Variants in ILK observed in about 807,000 individuals in gnomAD.
ILK encodes scaffold protein ILK.
In ILK, 37 loss-of-function variants were observed where a neutral mutation model predicts 57.8. The ratio of observed to expected loss-of-function variants is 0.64; its 90% CI spans 0.49 to 0.84. ILK has a LOEUF of 0.84. Ranked by LOEUF, ILK falls within the 40% of genes least tolerant of loss-of-function variation. The pLI is 0.00. For missense variants in ILK, 528 were observed against 595.7 expected (o/e 0.89, Z 1.18); for synonymous variants, 231 against 202.2 (o/e 1.14, Z -1.21).
Position 6,609,510 on chromosome 11 carries a change from AG to A in ILK, c.729del, listed in dbSNP as rs1305382652. On this transcript the variant is annotated splice_acceptor_variant, in intron 8 of 12. Transcript: ENST00000299421. LOFTEE classifies it high-confidence loss of function. ...GTCTCAACCACTCCCTCCCTCTTCT[AG>A]GATTTTCTCGCATCCAAATGTGCTC... The A allele has an allele frequency of 6.2e-7, 1 of 1,614,118 alleles. No homozygotes were observed. The highest frequency in any genetic ancestry group is 2.2e-5 in the East Asian group (1 of 44,876).
rs1855399121 is a variant in ILK at position 6,610,485 on chromosome 11, T to C, written c.1233T>C (p.Pro411=). ...GMKVALEGLR[P]TIPPGISPHV... ...AGGTGGCATTGGAAGGCCTTCGGCCTACCATCCCACCAGGTATTTCCCCTC... is the reference window on the plus strand; with the variant it reads ...AGGTGGCATTGGAAGGCCTTCGGCCCACCATCCCACCAGGTATTTCCCCTC... The change falls in exon 13 of 13, where the codon CCT becomes CCC. Residue 411 remains proline, a synonymous_variant. Coordinates refer to ENST00000299421, the MANE Select transcript of ILK (RefSeq NM_004517.4). 2 of 1,614,240 alleles carry C rather than the reference T, an allele frequency of 1.2e-6. No individual in the cohort carries two copies. Among genetic ancestry groups the C allele is most frequent in the Non-Finnish European group, 1.7e-6 (2 of 1,180,040 alleles).
In ILK at chr11:6,604,310, A is replaced by G; in HGVS notation, c.39A>G (p.Ala13=). The G allele has an allele frequency of 6.2e-7, 1 of 1,613,008 alleles. No homozygotes were observed. The highest frequency in any genetic ancestry group is 8.5e-7 in the Non-Finnish European group (1 of 1,179,710). ...TCACTCAGTGCCGGGAGGGCAACGC[A>G]GTCGCCGTTCGCCTGTGGCTGGACA... The part of the protein sequence containing the change: ...DIFTQCREGN[A]VAVRLWLDNT... Residue 13 remains alanine, a synonymous_variant, in exon 2 of 13, where the codon GCA becomes GCG. Transcript: ENST00000299421.
intron 2 of ILK, chr11:6,606,172 T>C (rs1433368571): frequency 6.6e-6 from 1 of 152,038 alleles, no homozygotes; most frequent in Non-Finnish European, 1.5e-5. Context: ...GACTCTGTCT[T>C]AAAAAAGAAA....
In ILK at chr11:6,609,013, T is replaced by C. The variant is rs766050558; in HGVS notation, c.532+46T>C. 19 of 1,612,498 alleles carry C rather than the reference T, an allele frequency of 1.2e-5. No individual in the cohort carries two copies. In the Admixed American group the frequency reaches 3.2e-4, roughly 27 times the overall value. On this transcript the variant is annotated intron_variant, in intron 6 of 12. Transcript: ENST00000299421. ...GAAGGGTTGTAAAAGGAAATAATCC[T>C]GGCCTCTTGGGGCTGGGTTAGGGTG...
chr11:6,610,313 A>G (rs1460047055), intron 12 of ILK, 35 bp downstream of exon 12: 3 of 1,613,772 alleles, frequency 1.9e-6, no homozygotes, highest in African/African-American at 1.3e-5. Flanking sequence ...GTGTTGCGGG[A>G]GTGGTTGGTG....
chr11:6,605,347 C>T (rs1432550140), intron 2 of ILK, among the ~76,000 whole-genome samples: 1 of 151,558 alleles, frequency 6.6e-6, no homozygotes, highest in Non-Finnish European at 1.5e-5. Context: ...GAAGCCTGCA[C>T]GACAGAAAAG....
At chr11:6,609,893 C>T in intron 10 of ILK, 43 bp from the exon 11 acceptor site, 3 of 1,614,210 alleles carry the variant, frequency 1.9e-6, no homozygotes, top group Non-Finnish European at 2.5e-6. Context: ...AGCCCTTTGC[C>T]TATCTATGAC....
In ILK at chr11:6,610,278, G is replaced by A. The variant is rs1406078219; in HGVS notation, c.1209G>A (p.Lys403=). 6.2e-7 allele frequency: 1 copy of A among 1,614,168 alleles called. No individual in the cohort carries two copies. Among genetic ancestry groups the A allele is most frequent in the East Asian group, 2.2e-5 (1 of 44,878 alleles). ...ADLSNMEIGM[K]VALEGLRPTI... is the part of the protein sequence containing the mutation. ...TCTCCAATATGGAGATTGGAATGAA[G>A]GTGAGAGCACAACAGCATACATTTG... Residue 403 remains lysine, a splice_region_variant and synonymous_variant, in exon 12 of 13, where the codon AAG becomes AAA. Coordinates refer to ENST00000299421, the MANE Select transcript of ILK (RefSeq NM_004517.4).
chr11:6,608,799 C>T lies in ILK; in HGVS notation c.448+9C>T, dbSNP rs1206861965. ...GAGAGAGCTTCTCCGAGGTCCATCT[C>T]CCCATCCCCTAGCTTGTGTCCTCTC... On this transcript the variant is annotated intron_variant, in intron 5 of 12. Coordinates refer to ENST00000299421, the MANE Select transcript of ILK (RefSeq NM_004517.4). The surrounding 1 kb of genome is among the most constrained non-coding windows in gnomAD (Gnocchi z 4.9). The T allele has an allele frequency of 6.2e-7, 1 of 1,612,558 alleles. No individual in the cohort carries two copies. Among genetic ancestry groups the T allele is most frequent in the Admixed American group, 1.7e-5 (1 of 60,000 alleles).
rs1287846517 is a variant in ILK at position 6,609,121 on chromosome 11, T to A, written c.583T>A (p.Phe195Ile). ...TGGCATTGACTTCAAACAGCTTAACTTCCTGACGAAGCTCAACGAGAATCA... is the reference window on the plus strand; with the variant it reads ...TGGCATTGACTTCAAACAGCTTAACATCCTGACGAAGCTCAACGAGAATCA... ...HSGIDFKQLNFLTKLNENHSG... is the reference protein window; with the variant it reads ...HSGIDFKQLNILTKLNENHSG... The change falls in exon 7 of 13, where the codon TTC becomes ATC. Residue 195 changes from phenylalanine to isoleucine, a missense_variant. Physicochemically the swap from Phe to Ile is conservative, Grantham distance 21. Coordinates refer to ENST00000299421, the MANE Select transcript of ILK (RefSeq NM_004517.4). The A allele has an allele frequency of 2.5e-6, 4 of 1,614,200 alleles. No individual in the cohort carries two copies.
rs1166619804 is a variant in ILK at position 6,604,174 on chromosome 11, C to T, written c.-92-6C>T. On this transcript the variant is annotated splice_polypyrimidine_tract_variant and splice_region_variant and intron_variant, in intron 1 of 12. Coordinates refer to ENST00000299421, the MANE Select transcript of ILK (RefSeq NM_004517.4). ...TACCCCCAACACAAACACTTCTCTC[C>T]TGTAGAGGATAAAGCTTGGGGTTCA... The T allele has an allele frequency of 4.6e-6, 5 of 1,092,590 alleles. No individual in the cohort carries two copies. Among genetic ancestry groups the T allele is most frequent in the African/African-American group, 1.6e-5 (1 of 64,482 alleles). The allele number at this position is 1,092,590 out of a possible 1,614,324, so 67.7% of individuals were successfully genotyped here.
Position 6,608,850 on chromosome 11 carries a change from C to G in ILK, c.449-34C>G. ...GTCCCTTCCCACCTGTCTTCTCCCT[C>G]TGTACCACAGCTTAGGTTGTTTTTC... On this transcript the variant is annotated intron_variant, in intron 5 of 12. Transcript: ENST00000299421. The surrounding 1 kb of genome is among the most constrained non-coding windows in gnomAD (Gnocchi z 4.9). 2 of 1,613,456 alleles carry G rather than the reference C, an allele frequency of 1.2e-6. No individual in the cohort carries two copies. Among genetic ancestry groups the G allele is most frequent in the Non-Finnish European group, 1.7e-6 (2 of 1,179,344 alleles).
At position 6,608,574 on chromosome 11, in the gene ILK, C is replaced by A; in HGVS notation, c.351+85C>A. 1 of 1,343,026 alleles carries A rather than the reference C, an allele frequency of 7.4e-7. No homozygotes were observed. The highest frequency in any genetic ancestry group is 1.1e-6 in the Non-Finnish European group (1 of 932,950). The allele number at this position is 1,343,026 out of a possible 1,614,324, so 83.2% of individuals were successfully genotyped here. ...GAGATTTTGGAACCCTCAACCCATT[C>A]TGTCAGTACTACTGTGTGACACTTA... On this transcript the variant is annotated intron_variant, in intron 4 of 12. Transcript: ENST00000299421. This position sits in a 1 kb window ranked among gnomAD's most constrained non-coding sequence, Gnocchi z 4.9.
chr11:6,604,194 G>A lies in ILK; in HGVS notation c.-78G>A. ...CTCTCCTGTAGAGGATAAAGCTTGG[G>A]GTTCATCCTCCTTCCCTGGATCACT... On this transcript the variant is annotated 5_prime_UTR_variant, in exon 2 of 13. Transcript: ENST00000299421. 7.8e-7 allele frequency: 1 copy of A among 1,279,442 alleles called. No individual in the cohort carries two copies. Among genetic ancestry groups the A allele is most frequent in the Non-Finnish European group, 1.1e-6 (1 of 903,038 alleles). 79.3% of individuals were successfully genotyped at this position (1,279,442 alleles called of 1,614,324 possible). A position where few individuals can be genotyped will look rare whatever the true frequency, so the allele number is the denominator to read the frequency against.
At position 6,608,399 on chromosome 11, in the gene ILK, G is replaced by A. The variant is rs770579553; in HGVS notation, c.261G>A (p.Leu87=). The A allele has an allele frequency of 3.9e-5, 63 of 1,613,912 alleles. No homozygotes were observed. The highest frequency in any genetic ancestry group is 4.7e-5 in the Non-Finnish European group (55 of 1,179,782). The change falls in exon 4 of 13, where the codon TTG becomes TTA. Residue 87 remains leucine, a synonymous_variant. Coordinates refer to ENST00000299421, the MANE Select transcript of ILK (RefSeq NM_004517.4). This position sits in a 1 kb window ranked among gnomAD's most constrained non-coding sequence, Gnocchi z 4.9. ...TGTCTGGCCATGGGGTCCAGCTATT[G>A]CAGTACAAGGCAGACATCAATGCAG... is the stretch of plus-strand genomic sequence containing the variant. The part of the protein sequence containing the change: ...HGHRDIVQKL[L]QYKADINAVN...
chr11:6,610,407 T>C (rs1855384531), intron 12 of ILK, 55 bp from the exon 13 acceptor site: 1 of 1,613,804 alleles, frequency 6.2e-7, no homozygotes. Flanking sequence ...GCCAGTGGCT[T>C]CTCTCTACAT....
In ILK at chr11:6,608,387, G is replaced by A. The variant is rs1405710988; in HGVS notation, c.256-7G>A. Reference sequence around the variant, plus strand: ...GCCTCTTCTTTTTGTCTGGCCATGGGGTCCAGCTATTGCAGTACAAGGCAG... The same window carrying A: ...GCCTCTTCTTTTTGTCTGGCCATGGAGTCCAGCTATTGCAGTACAAGGCAG... On this transcript the variant is annotated splice_region_variant and splice_polypyrimidine_tract_variant and intron_variant, in intron 3 of 12. Coordinates refer to ENST00000299421, the MANE Select transcript of ILK (RefSeq NM_004517.4). The surrounding 1 kb of genome is among the most constrained non-coding windows in gnomAD (Gnocchi z 4.9). 3.7e-6 allele frequency: 6 copies of A among 1,612,750 alleles called. No individual in the cohort carries two copies. Among genetic ancestry groups the A allele is most frequent in the Non-Finnish European group, 4.2e-6 (5 of 1,178,898 alleles).
chr11:6,604,260 C>T lies in ILK; in HGVS notation c.-12C>T. ...TTCCCCAATCCAGGGGACTCGGCGC[C>T]GGGACGCTGCTATGGACGACATTTT... is the stretch of plus-strand genomic sequence containing the variant. On this transcript the variant is annotated 5_prime_UTR_variant, in exon 2 of 13. Coordinates refer to ENST00000299421, the MANE Select transcript of ILK (RefSeq NM_004517.4). The T allele has an allele frequency of 6.2e-7, 1 of 1,609,044 alleles. No homozygotes were observed. Among genetic ancestry groups the T allele is most frequent in the Non-Finnish European group, 8.5e-7 (1 of 1,178,764 alleles).
intron 11 of ILK, 44 bp from the exon 12 acceptor site, chr11:6,610,104 A>G: frequency 6.2e-7 from 1 of 1,611,506 alleles, no homozygotes; most frequent in Non-Finnish European, 8.5e-7. Flanking sequence ...GGGCAGAGAC[A>G]GGACAGGCAA....
Sources: gnomAD v4.1 joint callset for allele counts (sites outside exome capture counted in the v4.1 genomes callset) on GRCh38, gnomAD v4.1.1 for gene constraint, Gnocchi (gnomAD v3.1) non-coding constraint, MANE v1.5 for transcripts, NCBI Gene and HGNC (gene_info 2026-07-23, HGNC 2026-07-21) for gene names.